Variants in POR observed in about 807,000 individuals in gnomAD.
POR encodes the protein cytochrome p450 oxidoreductase.
POR carries 56 observed loss-of-function variants against 84.0 expected under a neutral mutation model. The observed-to-expected ratio is 0.67, with a 90% CI of 0.54 to 0.83. The LOEUF (loss-of-function observed/expected upper bound fraction) is 0.83. Among genes scored for constraint, POR ranks in the 40% least tolerant of loss-of-function variants. The pLI is 0.00. For missense variants in POR, 938 were observed against 944.3 expected, an observed-to-expected ratio of 0.99 and a Z score of 0.09; for synonymous variants, 414 against 400.5, an observed-to-expected ratio of 1.03 and a Z score of -0.40.
chr7:75,953,915 G>A, intron 1 of POR, 74 bp from the exon 2 acceptor site: 1 of 1,245,692 alleles, frequency 8.0e-7, no homozygotes, highest in Non-Finnish European at 1.1e-6. Context: ...CCAGCATTTA[G>A]GTGGGCACCC....
chr7:75,943,800 T>C (rs782520797), intron 1 of POR: 1 of 494,582 alleles, frequency 2.0e-6, no homozygotes, highest in Admixed American at 2.3e-5. Context: ...TTAAACCCTC[T>C]TGGTGGCTTC....
At chr7:75,921,483 A>G (rs1395614205) in intron 1 of POR, among the ~76,000 whole-genome samples, 6 of 151,954 alleles carry the variant, frequency 3.9e-5, no homozygotes, top group African/African-American at 1.4e-4. Context: ...GCTGGTCTCG[A>G]ACTCCTGACC....
intron 1 of POR, among the ~76,000 whole-genome samples, chr7:75,937,471 CAAAAA>C (rs782343328): frequency 5.0e-5 from 1 of 20,122 alleles, no homozygotes; most frequent in Non-Finnish European, 1.0e-4. Context: ...GACCCTGTCT[CAAAAA>C]AAAAAAAAAA....
At chr7:75,931,703 C>G (rs1554550164) in intron 1 of POR, among the ~76,000 whole-genome samples, 1 of 152,020 alleles carries the variant, frequency 6.6e-6, no homozygotes, top group Non-Finnish European at 1.5e-5. Context: ...TCTATTTTCC[C>G]TTCTGGCCTT....
At chr7:75,917,815 C>T (rs1301106449) in intron 1 of POR, among the ~76,000 whole-genome samples, 1 of 152,074 alleles carries the variant, frequency 6.6e-6, no homozygotes, top group Admixed American at 6.6e-5. Flanking sequence ...GCCAAAGATT[C>T]TGTGCTCATT....
chr7:75,950,194 C>A (rs1411730369), intron 1 of POR, among the ~76,000 whole-genome samples: 1 of 152,202 alleles, frequency 6.6e-6, no homozygotes, highest in Admixed American at 6.5e-5. Flanking sequence ...TTTAAAGCAT[C>A]CCCCTGTCTG....
intron 3 of POR, among the ~76,000 whole-genome samples, chr7:75,973,049 C>T (rs1554556414): frequency 6.6e-6 from 1 of 152,126 alleles, no homozygotes; most frequent in African/African-American, 2.4e-5. Context: ...TCTTGAACTC[C>T]TGACCTCAGG....
chr7:75,945,489 C>T (rs1329053512), intron 1 of POR: 1 of 152,186 alleles, frequency 6.6e-6, no homozygotes, highest in Non-Finnish European at 1.5e-5. Flanking sequence ...GTCTGAGTCA[C>T]TCTTGGACAC....
chr7:75,928,347 TTCCCTG>T (rs1807250779), intron 1 of POR, among the ~76,000 whole-genome samples: 1 of 152,208 alleles, frequency 6.6e-6, no homozygotes. Flanking sequence ...GTGCCTCCAG[TTCCCTG>T]TCATCTTGAG....
intron 2 of POR, among the ~76,000 whole-genome samples, chr7:75,957,340 A>G (rs1318192660): frequency 1.3e-5 from 2 of 152,214 alleles, no homozygotes; most frequent in Non-Finnish European, 2.9e-5. Flanking sequence ...ATCAGCTGGA[A>G]TCCAGCCCAT....
chr7:75,927,967 T>TC (rs1554549726), intron 1 of POR, among the ~76,000 whole-genome samples: 1 of 145,148 alleles, frequency 6.9e-6, no homozygotes, highest in Non-Finnish European at 1.5e-5. Context: ...ATCTCAGGTT[T>TC]CTTTTTTTTT....
intron 8 of POR, 152 bp from the exon 9 acceptor site, chr7:75,983,368 C>A: frequency 1.6e-6 from 1 of 620,534 alleles, no homozygotes; most frequent in Non-Finnish European, 2.9e-6. Context: ...CTGCATTGGA[C>A]CAGGCTGGGA....
intron 1 of POR, among the ~76,000 whole-genome samples, chr7:75,936,423 T>C (rs1442007357): frequency 6.6e-6 from 1 of 152,094 alleles, no homozygotes; most frequent in Non-Finnish European, 1.5e-5. Flanking sequence ...GTGACAGGTG[T>C]TGGGGACTAC....
At chr7:75,954,254 C>T in intron 2 of POR, 74 bp downstream of exon 2, 2 of 1,434,618 alleles carry the variant, frequency 1.4e-6, no homozygotes. Flanking sequence ...TGCATGCGGG[C>T]CTCAGGCTGA....
intron 3 of POR, among the ~76,000 whole-genome samples, chr7:75,974,270 G>T (rs1554556573): frequency 6.6e-6 from 1 of 152,118 alleles, no homozygotes; most frequent in Non-Finnish European, 1.5e-5. Context: ...AGATGTGTTT[G>T]CAATCGTGAT....
At chr7:75,982,591 G>A (rs1789123153) in intron 8 of POR, among the ~76,000 whole-genome samples, 1 of 152,204 alleles carries the variant, frequency 6.6e-6, no homozygotes, top group Non-Finnish European at 1.5e-5. Flanking sequence ...CAGTGCATTG[G>A]CCTCTGTGGC....
At chr7:75,958,291 A>AT (rs1407549960) in intron 2 of POR, among the ~76,000 whole-genome samples, 2 of 151,846 alleles carry the variant, frequency 1.3e-5, no homozygotes, top group African/African-American at 2.4e-5. Flanking sequence ...TAATTTTTAT[A>AT]TTTTTTGTAC....
At chr7:75,954,227 C>T (rs1010469498) in intron 2 of POR, 47 bp downstream of exon 2, 140 of 1,530,786 alleles carry the variant, frequency 9.1e-5, no homozygotes, top group Non-Finnish European at 1.1e-4. Context: ...CTTCTGTCAC[C>T]ACTCCAAGCA....
chr7:75,919,725 G>A (rs991327320), intron 1 of POR, among the ~76,000 whole-genome samples: 3 of 152,040 alleles, frequency 2.0e-5, no homozygotes, highest in Admixed American at 6.6e-5. Context: ...GGTCGGTGTG[G>A]CAACTCAGTT....
Sources: gnomAD v4.1 joint callset for allele counts (sites outside exome capture counted in the v4.1 genomes callset) on GRCh38, gnomAD v4.1.1 for gene constraint, MANE v1.5 for transcripts, NCBI Gene and HGNC (gene_info 2026-07-23, HGNC 2026-07-21) for gene names.